Variants in CHRDL2 observed in about 807,000 individuals in gnomAD.
The protein encoded by CHRDL2 is chordin-like protein 2.
In CHRDL2, 41 loss-of-function variants were observed where a neutral mutation model predicts 54.3. That is an observed-to-expected ratio of 0.76 (90% confidence interval 0.59 to 0.98). The LOEUF (loss-of-function observed/expected upper bound fraction) is 0.98, where lower values mean the gene tolerates loss of function less well. Ranked by LOEUF, CHRDL2 falls within the 50% of genes least tolerant of loss-of-function variation. The pLI is 0.00. For synonymous variants in CHRDL2, 220 were observed against 224.3 expected, an observed-to-expected ratio of 0.98 and a Z score of 0.17; for missense variants, 518 against 562.4, an observed-to-expected ratio of 0.92 and a Z score of 0.80.
chr11:74,712,310 C>T (rs180720196), intron 3 of CHRDL2, among the ~76,000 whole-genome samples: 200 of 152,052 alleles, frequency 1.3e-3, no homozygotes, highest in African/African-American at 4.5e-3. Flanking sequence ...GGCATGGCAA[C>T]GGTGAGCAGA....
At chr11:74,699,929 C>T (rs942582792) in intron 9 of CHRDL2, among the ~76,000 whole-genome samples, 1 of 152,222 alleles carries the variant, frequency 6.6e-6, no homozygotes, top group African/African-American at 2.4e-5. Context: ...GACAGGATGG[C>T]AGGGCCTGGC....
chr11:74,709,443 AAT>A (rs1440696402), intron 4 of CHRDL2, among the ~76,000 whole-genome samples: 1 of 152,240 alleles, frequency 6.6e-6, no homozygotes, highest in Non-Finnish European at 1.5e-5. Context: ...GGAAAACAGA[AAT>A]AGTGATATCC....
At chr11:74,700,120 A>G (rs1261022021) in intron 9 of CHRDL2, among the ~76,000 whole-genome samples, 1 of 152,244 alleles carries the variant, frequency 6.6e-6, no homozygotes, top group Non-Finnish European at 1.5e-5. Context: ...TTTACTGCTT[A>G]AACTGTGTGA....
chr11:74,700,646 T>A (rs60558725), intron 9 of CHRDL2, among the ~76,000 whole-genome samples: 9,680 of 103,678 alleles, frequency 0.093, 435 homozygotes, highest in African/African-American at 0.14. Context: ...TATTATTATT[T>A]TTTTTTTTTT....
chr11:74,696,539 C>T lies in CHRDL2; in HGVS notation c.1260G>A (p.Thr420=), dbSNP rs115692087. 387 of 1,614,122 alleles carry T rather than the reference C, an allele frequency of 2.4e-4. 1 individual carries two copies. In the African/African-American group the frequency reaches 4.3e-3, roughly 18 times the overall value. ...TCTTGGTCACTTTGTCTGGACTGGC[C>T]GTGACCTTCAGCTCCAGGGTCTGGG... ...FLAQTLELKV[T]ASPDKVTKT Residue 420 remains threonine, a synonymous_variant, in exon 11 of 11, where the codon ACG becomes ACA. Transcript: ENST00000376332.
At chr11:74,701,388 C>G (rs1482865370) in intron 9 of CHRDL2, 2 of 460,892 alleles carry the variant, frequency 4.3e-6, no homozygotes, top group Non-Finnish European at 7.8e-6. Flanking sequence ...TGCGGTCACT[C>G]AGAACACAGC....
In CHRDL2 at chr11:74,731,107, G is replaced by A. The variant is rs1023471271; in HGVS notation, c.-219C>T. 76 of 565,824 alleles carry A rather than the reference G, an allele frequency of 1.3e-4. No homozygotes were observed. Among genetic ancestry groups the A allele is most frequent in the African/African-American group, 1.2e-3 (65 of 52,496 alleles). 35.1% of individuals were successfully genotyped at this position (565,824 alleles called of 1,614,324 possible). ...GAAGAGAAAGGTGGAAAGAGAACGCGGGGAAAGGAGGGAGAGATGGAGAGA... is the reference window on the plus strand; with the variant it reads ...GAAGAGAAAGGTGGAAAGAGAACGCAGGGAAAGGAGGGAGAGATGGAGAGA... On this transcript the variant is annotated 5_prime_UTR_variant, in exon 1 of 11. Transcript: ENST00000376332. The surrounding 1 kb of genome is among the most constrained non-coding windows in gnomAD (Gnocchi z 4.4).
chr11:74,725,413 C>T (rs1045136033), intron 1 of CHRDL2, among the ~76,000 whole-genome samples: 1 of 152,344 alleles, frequency 6.6e-6, no homozygotes, highest in South Asian at 2.1e-4. Flanking sequence ...CACTTTCCAG[C>T]TCCCTGCCAT....
chr11:74,729,298 G>A lies in CHRDL2; in HGVS notation c.82+1509C>T, dbSNP rs144763225. Among the ~76,000 whole-genome samples, 141 of 152,332 alleles carry A rather than the reference G, an allele frequency of 9.3e-4. 1 individual carries two copies. Among genetic ancestry groups the A allele is most frequent in the African/African-American group, 2.6e-3 (110 of 41,568 alleles). ...GGAAACCCTCAGGGTTCAAGAAAGC[G>A]GAAGAGACATTTATTAAGTACACAG... On this transcript the variant is annotated intron_variant, in intron 1 of 10. Transcript: ENST00000376332.
At chr11:74,706,414 C>T in intron 6 of CHRDL2, 73 bp downstream of exon 6, 1 of 1,462,322 alleles carries the variant, frequency 6.8e-7, no homozygotes, top group Non-Finnish European at 9.6e-7. Context: ...ATTGCCTGCC[C>T]CAGAGTCACG....
rs199722484 is a variant in CHRDL2 at position 74,730,830 on chromosome 11, G to A, written c.59C>T (p.Pro20Leu). 356 of 1,612,688 alleles carry A rather than the reference G, an allele frequency of 2.2e-4. No individual in the cohort carries two copies. Among genetic ancestry groups the A allele is most frequent in the Non-Finnish European group, 2.6e-4 (310 of 1,179,610 alleles). Residue 20 changes from proline (P) to leucine (L), a missense_variant, in exon 1 of 11, where the codon CCC (proline) becomes CTC (leucine). Coordinates refer to ENST00000376332, the MANE Select transcript of CHRDL2 (RefSeq NM_001278473.3). ...ACGGGCTCGAGCGTGGGAGTCCAGG[G>A]GGAACCAGAGCAGCGCGAGTCCCAG... ...SLLGLALLWF[P>L]LDSHARARPD...
chr11:74,716,122 G>A lies in CHRDL2; in HGVS notation c.195+2598C>T, dbSNP rs184951992. ...ACTGGGAGATGAGAAGGAACTGTTC[G>A]TGAGAAGATCTGAGGGAAGAACATT... On this transcript the variant is annotated intron_variant, in intron 2 of 10. Transcript: ENST00000376332. Among the ~76,000 whole-genome samples the A allele has an allele frequency of 1.3e-3, 197 of 152,318 alleles. 2 individuals are homozygous for A. Among genetic ancestry groups the A allele is most frequent in the African/African-American group, 4.3e-3 (180 of 41,562 alleles).
chr11:74,705,137 A>T (rs1403649859), intron 6 of CHRDL2, among the ~76,000 whole-genome samples: 1 of 151,978 alleles, frequency 6.6e-6, no homozygotes, highest in Non-Finnish European at 1.5e-5. Flanking sequence ...GGGCGTGAAG[A>T]CCAAGAGCAG....
chr11:74,723,257 G>C (rs1019060185), intron 1 of CHRDL2, among the ~76,000 whole-genome samples: 2 of 152,184 alleles, frequency 1.3e-5, no homozygotes, highest in Non-Finnish European at 2.9e-5. Flanking sequence ...GAGGTTTCGG[G>C]ACTGAACACA....
chr11:74,711,644 G>A (rs1256698292), intron 3 of CHRDL2, among the ~76,000 whole-genome samples: 5 of 152,122 alleles, frequency 3.3e-5, no homozygotes, highest in Non-Finnish European at 5.9e-5. Flanking sequence ...TGGGAATGGA[G>A]CAATGAGTAA....
chr11:74,712,065 C>T (rs1435008261), intron 3 of CHRDL2, among the ~76,000 whole-genome samples: 1 of 152,034 alleles, frequency 6.6e-6, no homozygotes, highest in African/African-American at 2.4e-5. Context: ...CCGCCTCGGC[C>T]TCCCAAAGTG....
intron 1 of CHRDL2, among the ~76,000 whole-genome samples, chr11:74,725,275 GCCA>G (rs1297142578): frequency 6.6e-6 from 1 of 152,224 alleles, no homozygotes; most frequent in Admixed American, 6.5e-5. Flanking sequence ...ACAGGCGGGA[GCCA>G]CCACGCCCAG....
At chr11:74,706,413 C>T in intron 6 of CHRDL2, 74 bp downstream of exon 6, 3 of 1,445,478 alleles carry the variant, frequency 2.1e-6, no homozygotes, top group Admixed American at 1.7e-5. Flanking sequence ...TATTGCCTGC[C>T]CCAGAGTCAC....
At chr11:74,708,235 C>CTGA in intron 5 of CHRDL2, 67 bp downstream of exon 5, 1 of 1,139,968 alleles carries the variant, frequency 8.8e-7, no homozygotes, top group South Asian at 1.6e-5. Flanking sequence ...ACGGCTCTCA[C>CTGA]AGTCCATGGC....
Sources: allele counts gnomAD v4.1 joint callset (sites outside exome capture counted in the v4.1 genomes callset), GRCh38; gene constraint gnomAD v4.1.1; non-coding constraint Gnocchi (gnomAD v3.1); transcripts MANE v1.5; gene names NCBI Gene and HGNC (gene_info 2026-07-23, HGNC 2026-07-21).